Variants in STXBP6 observed in about 807,000 individuals in gnomAD.
The protein encoded by STXBP6 is syntaxin-binding protein 6.
A neutral mutation model predicts 26.9 loss-of-function variants in STXBP6; 21 were observed. The ratio of observed to expected loss-of-function variants is 0.78; its 90% CI spans 0.55 to 1.12. The LOEUF is 1.12. Among genes scored for constraint, STXBP6 ranks in the 50% most tolerant of loss-of-function variants. STXBP6 has a pLI of 0.00. For synonymous variants in STXBP6, 97 were observed against 92.6 expected (o/e 1.05, Z -0.27); for missense variants, 232 against 257.9 (o/e 0.90, Z 0.69).
intron 4 of STXBP6, among the ~76,000 whole-genome samples, chr14:24,828,032 T>A (rs1594918246): frequency 9.8e-6 from 1 of 101,896 alleles, no homozygotes; most frequent in Non-Finnish European, 2.2e-5. Flanking sequence ...GCAGTAGCAC[T>A]TTTTTTTTTT....
intron 2 of STXBP6, among the ~76,000 whole-genome samples, chr14:24,867,728 C>T (rs542049383): frequency 4.6e-5 from 7 of 152,104 alleles, no homozygotes; most frequent in Non-Finnish European, 7.4e-5. Context: ...TAGAAGAAAA[C>T]GAAGAAAATC....
intron 4 of STXBP6, among the ~76,000 whole-genome samples, chr14:24,844,549 A>G (rs555766804): frequency 6.6e-6 from 1 of 152,184 alleles, no homozygotes; most frequent in Admixed American, 6.5e-5. Flanking sequence ...ATTGTAGGGC[A>G]CCCAATTGAT....
chr14:24,911,648 T>C (rs1364643882), intron 2 of STXBP6, among the ~76,000 whole-genome samples: 2 of 152,218 alleles, frequency 1.3e-5, no homozygotes, highest in Non-Finnish European at 2.9e-5. Flanking sequence ...GTCATTTGCC[T>C]GGCAGTGCTG....
At chr14:24,995,448 A>G (rs1470365215) in intron 1 of STXBP6, among the ~76,000 whole-genome samples, 1 of 152,090 alleles carries the variant, frequency 6.6e-6, no homozygotes, top group Non-Finnish European at 1.5e-5. Flanking sequence ...TTTTGCATGA[A>G]TGGATGAACC....
Position 24,872,224 on chromosome 14 carries a change from A to G in STXBP6, c.155-15067T>C, listed in dbSNP as rs1288058421. Among the ~76,000 whole-genome samples the G allele has an allele frequency of 7.9e-5, 12 of 152,346 alleles. No homozygotes were observed. The South Asian group carries it at 2.3e-3, about 29-fold the overall frequency. ...AAGAAATCCAAATGGGTCTCAGAAG[A>G]TAAGCATTGAGGAGTAAAATGCAAA... is the stretch of plus-strand genomic sequence containing the variant. On this transcript the variant is annotated intron_variant, in intron 2 of 5. Coordinates refer to ENST00000323944, the MANE Select transcript of STXBP6 (RefSeq NM_001394410.1).
intron 1 of STXBP6, among the ~76,000 whole-genome samples, chr14:24,980,363 A>G (rs2074155714): frequency 6.6e-6 from 1 of 152,198 alleles, no homozygotes; most frequent in Non-Finnish European, 1.5e-5. Context: ...TTGATAAGAC[A>G]GTTCTCAAGT....
At chr14:24,900,295 A>T (rs531611861) in intron 2 of STXBP6, among the ~76,000 whole-genome samples, 8 of 152,324 alleles carry the variant, frequency 5.3e-5, no homozygotes, top group Admixed American at 2.6e-4. Flanking sequence ...GTGGGGAAAC[A>T]TCATCAGGGA....
At chr14:24,942,812 T>G (rs567300765) in intron 2 of STXBP6, among the ~76,000 whole-genome samples, 2 of 152,298 alleles carry the variant, frequency 1.3e-5, no homozygotes, top group African/African-American at 4.8e-5. Flanking sequence ...ATGTGCATAT[T>G]TAATTGCTCT....
chr14:24,974,603 T>G, intron 2 of STXBP6, 62 bp downstream of exon 2: 2 of 1,436,302 alleles, frequency 1.4e-6, no homozygotes, highest in Admixed American at 4.3e-5. Context: ...CCTGGATACC[T>G]CAGAATGAAC....
At chr14:24,832,933 T>C (rs944221956) in intron 4 of STXBP6, among the ~76,000 whole-genome samples, 1 of 152,186 alleles carries the variant, frequency 6.6e-6, no homozygotes, top group African/African-American at 2.4e-5. Context: ...ATCCTATTAG[T>C]CCTAATGGCT....
intron 2 of STXBP6, among the ~76,000 whole-genome samples, chr14:24,880,247 C>A (rs776076179): frequency 2.0e-4 from 30 of 152,108 alleles, no homozygotes; most frequent in Non-Finnish European, 3.7e-4. Flanking sequence ...TAGTTAGGCA[C>A]CACTAGGAAT....
rs987615083 is a variant in STXBP6 at position 25,049,692 on chromosome 14, G to A, written c.-33+186C>T. The stretch of plus-strand genomic sequence containing the variant: ...GCACAAAGCAGCTGCGCCGGGGCGC[G>A]CGGCCCCCTCTCCCGCCACCCGCCA... On this transcript the variant is annotated intron_variant, in intron 1 of 5. Transcript: ENST00000323944. The surrounding 1 kb of genome is among the most constrained non-coding windows in gnomAD (Gnocchi z 5.6). 14 of 985,726 alleles carry A rather than the reference G, an allele frequency of 1.4e-5. No individual in the cohort carries two copies. The highest frequency in any genetic ancestry group is 1.7e-5 in the Non-Finnish European group (14 of 830,208). The allele number at this position is 985,726 out of a possible 1,614,324, so 61.1% of individuals were successfully genotyped here.
chr14:24,835,791 C>A (rs2068593348), intron 4 of STXBP6, among the ~76,000 whole-genome samples: 1 of 152,164 alleles, frequency 6.6e-6, no homozygotes, highest in Admixed American at 6.5e-5. Flanking sequence ...GTAACCATAG[C>A]TACGCTTAAT....
chr14:24,888,818 T>C (rs1321676622), intron 2 of STXBP6, among the ~76,000 whole-genome samples: 1 of 152,194 alleles, frequency 6.6e-6, no homozygotes, highest in Non-Finnish European at 1.5e-5. Context: ...TCCTGACTTT[T>C]CTAACCCTCT....
At chr14:24,839,329 C>G (rs909676833) in intron 4 of STXBP6, among the ~76,000 whole-genome samples, 1 of 152,006 alleles carries the variant, frequency 6.6e-6, no homozygotes, top group African/African-American at 2.4e-5. Context: ...TAAGTTATCA[C>G]AACTGGTTGG....
intron 4 of STXBP6, among the ~76,000 whole-genome samples, chr14:24,834,306 C>T (rs1450801784): frequency 2.0e-5 from 3 of 152,206 alleles, no homozygotes; most frequent in South Asian, 4.1e-4. Context: ...AGAGAATAAA[C>T]TTTTAGTATA....
chr14:24,910,922 G>A (rs1293946570), intron 2 of STXBP6, among the ~76,000 whole-genome samples: 2 of 152,160 alleles, frequency 1.3e-5, no homozygotes, highest in Admixed American at 1.3e-4. Flanking sequence ...ATGGAACGGT[G>A]GTGGTATGGT....
At chr14:24,820,801 C>T (rs1391601137) in intron 4 of STXBP6, among the ~76,000 whole-genome samples, 2 of 152,180 alleles carry the variant, frequency 1.3e-5, no homozygotes, top group Non-Finnish European at 2.9e-5. Flanking sequence ...TTGCACAATA[C>T]CGTATCACTA....
At chr14:24,956,517 G>A (rs145498964) in intron 2 of STXBP6, among the ~76,000 whole-genome samples, 4 of 152,122 alleles carry the variant, frequency 2.6e-5, no homozygotes, top group Admixed American at 6.6e-5. Flanking sequence ...GTGTGTTATC[G>A]AACTGCAGGG....
Sources: allele counts gnomAD v4.1 joint callset (sites outside exome capture counted in the v4.1 genomes callset), GRCh38; gene constraint gnomAD v4.1.1; non-coding constraint Gnocchi (gnomAD v3.1); transcripts MANE v1.5; gene names NCBI Gene and HGNC (gene_info 2026-07-23, HGNC 2026-07-21).